Variants in MGAT4C observed in about 807,000 individuals in gnomAD.
MGAT4C encodes alpha-1,3-mannosyl-glycoprotein 4-beta-N-acetylglucosaminyltransferase C.
A neutral mutation model predicts 40.1 loss-of-function variants in MGAT4C; 19 were observed. The observed-to-expected ratio is 0.47, with a 90% CI of 0.33 to 0.70. MGAT4C has a LOEUF of 0.70. Ranked by LOEUF, MGAT4C falls within the 30% of genes least tolerant of loss-of-function variation. The probability of loss-of-function intolerance (pLI) is 0.02; values close to 1 mark genes in which losing one functional copy is unlikely to be tolerated. For synonymous variants in MGAT4C, 181 were observed against 187.1 expected (o/e 0.97, Z 0.27); for missense variants, 491 against 563.2 (o/e 0.87, Z 1.30).
intron 1 of MGAT4C, among the ~76,000 whole-genome samples, chr12:86,774,117 C>T (rs1349038513): frequency 6.6e-6 from 1 of 151,306 alleles, no homozygotes; most frequent in Non-Finnish European, 1.5e-5. Flanking sequence ...TCCTGCTCTG[C>T]TAATTTTTGT....
At chr12:86,367,300 A>C (rs1352366230) in intron 3 of MGAT4C, among the ~76,000 whole-genome samples, 1 of 152,134 alleles carries the variant, frequency 6.6e-6, no homozygotes, top group Non-Finnish European at 1.5e-5. Flanking sequence ...GGGCCCCAGA[A>C]AACAGTGGGC....
chr12:86,039,680 TC>T (rs2136933064), intron 2 of MGAT4C, among the ~76,000 whole-genome samples: 1 of 152,284 alleles, frequency 6.6e-6, no homozygotes, highest in South Asian at 2.1e-4. Context: ...CTCCTTTAGC[TC>T]AGAGGAGTTT....
intron 2 of MGAT4C, among the ~76,000 whole-genome samples, chr12:86,562,716 C>A (rs765719717): frequency 1.3e-5 from 2 of 152,094 alleles, no homozygotes; most frequent in Non-Finnish European, 2.9e-5. Context: ...AGGTGCACTA[C>A]ACTCCAAAAC....
chr12:86,266,627 G>T (rs1020126664), intron 4 of MGAT4C, among the ~76,000 whole-genome samples: 5 of 152,016 alleles, frequency 3.3e-5, no homozygotes, highest in Admixed American at 2.0e-4. Context: ...GTCTGGTTTT[G>T]GTATCAAGGT....
intron 2 of MGAT4C, among the ~76,000 whole-genome samples, chr12:86,707,971 T>C (rs1291241655): frequency 6.6e-6 from 1 of 152,194 alleles, no homozygotes; most frequent in African/African-American, 2.4e-5. Flanking sequence ...GAAAATCCCA[T>C]TTTTAGAGGA....
chr12:86,833,246 T>G (rs1032891157), intron 1 of MGAT4C, among the ~76,000 whole-genome samples: 3 of 151,796 alleles, frequency 2.0e-5, no homozygotes, highest in African/African-American at 7.3e-5. Flanking sequence ...TGGCCAAATT[T>G]GGCCTAAGAA....
In MGAT4C at chr12:86,663,936, T is replaced by G. The variant is rs553971145; in HGVS notation, c.-229+63273A>C. ...AGTTCAAATTATTTGGAGGGGTAAGTTGCTTGAGTTTCTGTATTTCTTTTA... is the reference window on the plus strand; with the variant it reads ...AGTTCAAATTATTTGGAGGGGTAAGGTGCTTGAGTTTCTGTATTTCTTTTA... On this transcript the variant is annotated intron_variant, in intron 2 of 7. Transcript: ENST00000548651. 1.2e-4 allele frequency among the ~76,000 whole-genome samples: 18 copies of G among 152,346 alleles called. No homozygotes were observed. The East Asian group carries it at 3.3e-3, about 28-fold the overall frequency.
At chr12:86,620,918 C>T (rs1565887769) in intron 2 of MGAT4C, among the ~76,000 whole-genome samples, 1 of 152,092 alleles carries the variant, frequency 6.6e-6, no homozygotes, top group Non-Finnish European at 1.5e-5. Flanking sequence ...TCGGCTTCTA[C>T]TGTGATTGTA....
chr12:86,325,714 C>T (rs1954510419), intron 4 of MGAT4C, among the ~76,000 whole-genome samples: 1 of 151,960 alleles, frequency 6.6e-6, no homozygotes, highest in African/African-American at 2.4e-5. Context: ...CCTATCTCTA[C>T]AAAAAATACA....
intron 1 of MGAT4C, among the ~76,000 whole-genome samples, chr12:86,140,155 T>G (rs1021202762): frequency 4.6e-5 from 7 of 152,302 alleles, no homozygotes; most frequent in African/African-American, 1.7e-4. Context: ...TAATTCTACC[T>G]GTTCCTCTGA....
intron 2 of MGAT4C, among the ~76,000 whole-genome samples, chr12:86,559,092 A>G (rs1459171033): frequency 6.6e-6 from 1 of 151,940 alleles, no homozygotes. Context: ...TAGAAAAAAA[A>G]GAAAAAGATT....
At chr12:86,408,058 C>A (rs1956510237) in intron 3 of MGAT4C, among the ~76,000 whole-genome samples, 1 of 152,082 alleles carries the variant, frequency 6.6e-6, no homozygotes. Flanking sequence ...ATTAAACATT[C>A]TTCCTGTAAT....
chr12:86,492,624 T>C (rs1203010296), intron 2 of MGAT4C, among the ~76,000 whole-genome samples: 2 of 152,204 alleles, frequency 1.3e-5, no homozygotes, highest in African/African-American at 2.4e-5. Flanking sequence ...ATCTCTTCCT[T>C]ACATCTTATA....
intron 2 of MGAT4C, among the ~76,000 whole-genome samples, chr12:86,013,239 T>C (rs762301789): frequency 1.3e-5 from 2 of 152,198 alleles, no homozygotes; most frequent in Non-Finnish European, 2.9e-5. Flanking sequence ...GAAATTATTT[T>C]GAAGTGATAC....
chr12:86,330,648 CTTATTTATAGAATTA>C (rs1954642380), intron 4 of MGAT4C, among the ~76,000 whole-genome samples: 1 of 152,060 alleles, frequency 6.6e-6, no homozygotes, highest in Non-Finnish European at 1.5e-5. Flanking sequence ...GTGTGATAGT[CTTATTTATAGAATTA>C]TCTGGTTTTC....
chr12:86,103,705 C>T (rs755844837), intron 1 of MGAT4C, among the ~76,000 whole-genome samples: 1 of 152,098 alleles, frequency 6.6e-6, no homozygotes, highest in Non-Finnish European at 1.5e-5. Flanking sequence ...CTGCCATCAT[C>T]TCAAGATGGG....
chr12:86,704,189 C>T (rs1950414625), intron 2 of MGAT4C, among the ~76,000 whole-genome samples: 1 of 151,698 alleles, frequency 6.6e-6, no homozygotes, highest in Non-Finnish European at 1.5e-5. Flanking sequence ...GGTTATTATC[C>T]CATGAATAAA....
intron 2 of MGAT4C, among the ~76,000 whole-genome samples, chr12:86,554,137 C>T (rs75306003): frequency 3.3e-4 from 3 of 9,134 alleles, no homozygotes; most frequent in South Asian, 0.02. Flanking sequence ...CATACATACA[C>T]ACACACACAC....
chr12:86,053,836 T>C (rs1226205054), intron 1 of MGAT4C, among the ~76,000 whole-genome samples: 1 of 151,804 alleles, frequency 6.6e-6, no homozygotes, highest in Non-Finnish European at 1.5e-5. Context: ...GGTATATACA[T>C]AAAAAATGCT....
Sources: allele counts gnomAD v4.1 joint callset (sites outside exome capture counted in the v4.1 genomes callset), GRCh38; gene constraint gnomAD v4.1.1; transcripts MANE v1.5; gene names NCBI Gene and HGNC (gene_info 2026-07-23, HGNC 2026-07-21).